Variants in DMD observed in about 807,000 individuals in gnomAD.
DMD encodes dystrophin, also known as mutant dystrophin.
DMD carries 63 observed loss-of-function variants against 330.1 expected under a neutral mutation model. That is an observed-to-expected ratio of 0.19 (90% CI 0.16 to 0.24). DMD has a LOEUF of 0.24. DMD is among the 10% of genes least tolerant of loss of function. The probability of loss-of-function intolerance (pLI) is 1.00; values close to 1 mark genes in which losing one functional copy is unlikely to be tolerated. For missense variants in DMD, 3,344 were observed against 2,684.1 expected (o/e 1.25, Z -5.43); for synonymous variants, 1,223 against 959.8 (o/e 1.27, Z -5.07).
At chrX:31,249,677 G>A (rs2049158809) in intron 63 of DMD, among the ~76,000 whole-genome samples, 1 of 111,372 alleles carries the variant, frequency 9.0e-6, no homozygotes, top group Non-Finnish European at 1.9e-5. Flanking sequence ...TGGTTAAGAA[G>A]TAAAATACTT....
At chrX:31,628,787 C>T (rs1430961586) in intron 54 of DMD, among the ~76,000 whole-genome samples, 1 of 109,628 alleles carries the variant, frequency 9.1e-6, no homozygotes, top group African/African-American at 3.3e-5. Context: ...TACAGTTATA[C>T]ATTACAGTTA....
intron 63 of DMD, among the ~76,000 whole-genome samples, chrX:31,242,478 T>C (rs1280418309): frequency 9.1e-6 from 1 of 110,241 alleles, no homozygotes; most frequent in Non-Finnish European, 1.9e-5. Context: ...TCCCTAATTA[T>C]TCTAATTAAT....
chrX:31,510,213 G>C (rs1303320801), intron 55 of DMD, among the ~76,000 whole-genome samples: 3 of 111,481 alleles, frequency 2.7e-5, no homozygotes, highest in Admixed American at 1.9e-4. Context: ...ACTGAGACTC[G>C]GATGTTTAAC....
chrX:32,739,951 T>A (rs1358044621), intron 7 of DMD, among the ~76,000 whole-genome samples: 1 of 110,542 alleles, frequency 9.0e-6, no homozygotes, highest in Non-Finnish European at 1.9e-5. Context: ...TTTTAAGGGA[T>A]GTGGTTGCCA....
In DMD at chrX:32,493,542, G is replaced by C. The variant is rs190340367; in HGVS notation, c.2381-2024C>G. 1.5e-3 allele frequency among the ~76,000 whole-genome samples: 172 copies of C among 111,733 alleles called. 1 individual carries two copies. The highest frequency in any genetic ancestry group is 0.01 in the East Asian group (37 of 3,535). On this transcript the variant is annotated intron_variant, in intron 19 of 78. Coordinates refer to ENST00000357033, the MANE Select transcript of DMD (RefSeq NM_004006.3). ...TGTGACATGCTGTTTTTGATCGTTAGATTTTGAGGAGTGATCAAAAATTGT... is the reference window on the plus strand; with the variant it reads ...TGTGACATGCTGTTTTTGATCGTTACATTTTGAGGAGTGATCAAAAATTGT...
At chrX:31,231,905 T>C (rs1211449597) in intron 63 of DMD, among the ~76,000 whole-genome samples, 2 of 109,872 alleles carry the variant, frequency 1.8e-5, no homozygotes, top group Non-Finnish European at 3.8e-5. Context: ...CAAACAAATA[T>C]TCATATGTAC....
chrX:31,510,922 G>A (rs916587289), intron 55 of DMD, among the ~76,000 whole-genome samples: 11 of 111,804 alleles, frequency 9.8e-5, no homozygotes, highest in African/African-American at 3.3e-4. Context: ...TGCCAGAACA[G>A]AAATTCTGCC....
At chrX:32,091,272 A>G (rs927075443) in intron 44 of DMD, among the ~76,000 whole-genome samples, 2 of 112,132 alleles carry the variant, frequency 1.8e-5, no homozygotes, top group Non-Finnish European at 3.8e-5. Context: ...ATCAAAATCC[A>G]TATCTAAGAA....
At chrX:32,839,701 T>C (rs1162998440) in intron 4 of DMD, among the ~76,000 whole-genome samples, 1 of 105,742 alleles carries the variant, frequency 9.5e-6, no homozygotes, top group Non-Finnish European at 1.9e-5. Flanking sequence ...TTTATACTTA[T>C]GACAAAATGG....
intron 50 of DMD, among the ~76,000 whole-genome samples, chrX:31,779,165 G>A (rs1029170891): frequency 1.8e-5 from 2 of 111,690 alleles, no homozygotes; most frequent in Non-Finnish European, 3.8e-5. Flanking sequence ...TTTGCTAAGA[G>A]TGCCTGAATC....
intron 2 of DMD, among the ~76,000 whole-genome samples, chrX:32,900,650 T>G (rs2086153696): frequency 9.0e-6 from 1 of 111,599 alleles, no homozygotes. Flanking sequence ...CAGCCCCCTA[T>G]TTCTTAAGTG....
intron 1 of DMD, among the ~76,000 whole-genome samples, chrX:33,276,690 T>C (rs1172522687): frequency 1.8e-5 from 2 of 112,059 alleles, no homozygotes; most frequent in Admixed American, 9.5e-5. Context: ...CTACGAATCA[T>C]TGGGGTGAGC....
intron 44 of DMD, among the ~76,000 whole-genome samples, chrX:32,056,105 AGT>A (rs1409988042): frequency 9.0e-6 from 1 of 110,883 alleles, no homozygotes; most frequent in Non-Finnish European, 1.9e-5. Flanking sequence ...TTTGCTTTGA[AGT>A]GTTTTTTATT....
At chrX:32,363,730 A>G (rs527459096) in intron 36 of DMD, among the ~76,000 whole-genome samples, 3 of 112,439 alleles carry the variant, frequency 2.7e-5, no homozygotes, top group African/African-American at 6.5e-5. Context: ...TTAAAGGTAT[A>G]TCGTAATCTG....
chrX:31,371,113 C>A (rs761023348), intron 60 of DMD, among the ~76,000 whole-genome samples: 6 of 111,293 alleles, frequency 5.4e-5, no homozygotes, highest in Non-Finnish European at 9.4e-5. Flanking sequence ...ACAATATTGA[C>A]GTCAAAATCC....
intron 18 of DMD, among the ~76,000 whole-genome samples, chrX:32,510,834 T>A (rs2045220997): frequency 9.0e-6 from 1 of 111,321 alleles, no homozygotes; most frequent in Non-Finnish European, 1.9e-5. Flanking sequence ...CCATCTTTTC[T>A]TCAGCTCAAG....
chrX:31,406,783 C>T (rs763278058), intron 60 of DMD, among the ~76,000 whole-genome samples: 599 of 111,090 alleles, frequency 5.4e-3, no homozygotes, highest in Non-Finnish European at 7.8e-3. Flanking sequence ...TGTTCCTATA[C>T]CGCCTTTTCA....
At chrX:32,648,143 T>C (rs1385138779) in intron 9 of DMD, among the ~76,000 whole-genome samples, 1 of 112,029 alleles carries the variant, frequency 8.9e-6, no homozygotes, top group East Asian at 2.8e-4. Flanking sequence ...TTAAAAGGTG[T>C]ATACTTATAC....
chrX:32,415,531 C>T (rs1385378002), intron 29 of DMD, among the ~76,000 whole-genome samples: 2 of 112,451 alleles, frequency 1.8e-5, no homozygotes, highest in African/African-American at 6.5e-5. Flanking sequence ...AATTTTCTGA[C>T]TTTCTGCCCG....
Sources: allele counts gnomAD v4.1 joint callset (sites outside exome capture counted in the v4.1 genomes callset), GRCh38; gene constraint gnomAD v4.1.1; transcripts MANE v1.5; gene names NCBI Gene and HGNC (gene_info 2026-07-23, HGNC 2026-07-21).